TTC29: variants seen among roughly 807,000 people sequenced by gnomAD.
TTC29 encodes the protein tetratricopeptide repeat protein 29.
In TTC29, 49 loss-of-function variants were observed where a neutral mutation model predicts 58.1. The ratio of observed to expected loss-of-function variants is 0.84; its 90% CI spans 0.67 to 1.07. The LOEUF (loss-of-function observed/expected upper bound fraction) is 1.07, where lower values mean the gene tolerates loss of function less well. TTC29 is among the 50% of genes least tolerant of loss of function. The pLI, the probability that TTC29 is intolerant of heterozygous loss-of-function variation, is 0.00. For missense variants in TTC29, 582 were observed against 555.6 expected, an observed-to-expected ratio of 1.05 and a Z score of -0.48; for synonymous variants, 209 against 196.8, an observed-to-expected ratio of 1.06 and a Z score of -0.52.
chr4:146,941,804 GT>G (rs1736426253), intron 2 of TTC29, among the ~76,000 whole-genome samples: 1 of 152,162 alleles, frequency 6.6e-6, no homozygotes, highest in African/African-American at 2.4e-5. Flanking sequence ...TTTCTTTCAG[GT>G]TAGACTGTAG....
At chr4:146,808,395 T>A (rs568101856) in intron 10 of TTC29, among the ~76,000 whole-genome samples, 1 of 152,124 alleles carries the variant, frequency 6.6e-6, no homozygotes, top group East Asian at 1.9e-4. Flanking sequence ...GCCAGGGCAA[T>A]CAGGCAAGAG....
chr4:146,751,148 T>C (rs1251985084), intron 11 of TTC29, among the ~76,000 whole-genome samples: 1 of 152,216 alleles, frequency 6.6e-6, no homozygotes, highest in African/African-American at 2.4e-5. Context: ...AAGGTGTCAA[T>C]TCATCAAGAG....
rs1190630380 is a variant in TTC29 at position 146,903,426 on chromosome 4, T to C, written c.586+118A>G. 1.8e-5 allele frequency: 16 copies of C among 908,166 alleles called. No homozygotes were observed. In the South Asian group the frequency reaches 3.2e-4, roughly 18 times the overall value. 56.3% of individuals were successfully genotyped at this position (908,166 alleles called of 1,614,324 possible). On this transcript the variant is annotated intron_variant, in intron 6 of 12. Coordinates refer to ENST00000325106, the MANE Select transcript of TTC29 (RefSeq NM_031956.4). ...TGGTTTTGCTTTTTGATCTCAATAA[T>C]ATACATGATTATGCTGAAATCTCAG...
intron 2 of TTC29, chr4:146,943,995 C>T (rs1451464434): frequency 5.3e-5 from 8 of 152,214 alleles, no homozygotes; most frequent in African/African-American, 1.9e-4. Flanking sequence ...TTAGGGTTCT[C>T]CCAGATCAAC....
chr4:146,748,891 C>T (rs535113640), intron 11 of TTC29, among the ~76,000 whole-genome samples: 22 of 151,960 alleles, frequency 1.4e-4, no homozygotes, highest in South Asian at 2.1e-4. Flanking sequence ...CTGACCCCCC[C>T]GCAAAATAGA....
At chr4:146,802,037 T>C (rs929796810) in intron 11 of TTC29, among the ~76,000 whole-genome samples, 7 of 137,616 alleles carry the variant, frequency 5.1e-5, no homozygotes, top group African/African-American at 1.8e-4. Flanking sequence ...AAAATCAGGA[T>C]GGCCTCGAAT....
intron 11 of TTC29, among the ~76,000 whole-genome samples, chr4:146,746,353 T>C (rs2150041761): frequency 6.6e-6 from 1 of 152,292 alleles, no homozygotes; most frequent in East Asian, 1.9e-4. Flanking sequence ...CATTAAGAAT[T>C]AGAAATGTTA....
At chr4:146,890,672 G>A (rs1034089529) in intron 6 of TTC29, among the ~76,000 whole-genome samples, 3 of 152,166 alleles carry the variant, frequency 2.0e-5, no homozygotes, top group African/African-American at 7.2e-5. Flanking sequence ...TCTATGATTG[G>A]GCCTAATGCC....
chr4:146,764,821 G>GA (rs1184317246), intron 11 of TTC29, among the ~76,000 whole-genome samples: 1 of 152,032 alleles, frequency 6.6e-6, no homozygotes, highest in Non-Finnish European at 1.5e-5. Flanking sequence ...GTTCAAACAG[G>GA]ATGATCATGT....
At chr4:146,818,670 ACTTGGAAC>A (rs1418796849) in intron 10 of TTC29, among the ~76,000 whole-genome samples, 1 of 152,168 alleles carries the variant, frequency 6.6e-6, no homozygotes, top group Admixed American at 6.5e-5. Context: ...AATAGCAAAG[ACTTGGAAC>A]CAACCCAAAT....
At chr4:146,877,198 G>T (rs1011477294) in intron 6 of TTC29, among the ~76,000 whole-genome samples, 4 of 151,990 alleles carry the variant, frequency 2.6e-5, no homozygotes. Context: ...CATTTAGAAA[G>T]CATTATCAGT....
At chr4:146,929,606 G>A (rs1299540027) in intron 4 of TTC29, among the ~76,000 whole-genome samples, 2 of 152,094 alleles carry the variant, frequency 1.3e-5, no homozygotes, top group East Asian at 1.9e-4. Flanking sequence ...AAAATATGTA[G>A]GCTATTTTTC....
chr4:146,943,559 T>C (rs1328307165), intron 2 of TTC29, among the ~76,000 whole-genome samples: 1 of 152,216 alleles, frequency 6.6e-6, no homozygotes, highest in Non-Finnish European at 1.5e-5. Flanking sequence ...ACCTTACCTA[T>C]GCCCATCGGG....
At chr4:146,754,838 G>A (rs1746313146) in intron 11 of TTC29, among the ~76,000 whole-genome samples, 1 of 151,972 alleles carries the variant, frequency 6.6e-6, no homozygotes, top group Non-Finnish European at 1.5e-5. Context: ...CTAAGATCTA[G>A]TATCAGGCAA....
At chr4:146,917,196 T>G (rs1351454958) in intron 4 of TTC29, among the ~76,000 whole-genome samples, 1 of 150,500 alleles carries the variant, frequency 6.6e-6, no homozygotes, top group Non-Finnish European at 1.5e-5. Context: ...ATCAGAAGAA[T>G]TTTTCATTAT....
chr4:146,811,421 T>C (rs1751016319), intron 10 of TTC29, among the ~76,000 whole-genome samples: 1 of 152,176 alleles, frequency 6.6e-6, no homozygotes, highest in Admixed American at 6.6e-5. Flanking sequence ...AGGATTGATC[T>C]ACATTTGTAA....
intron 11 of TTC29, among the ~76,000 whole-genome samples, chr4:146,780,128 T>C (rs966536027): frequency 8.5e-5 from 13 of 152,250 alleles, no homozygotes; most frequent in Admixed American, 8.5e-4. Flanking sequence ...AAACACTACT[T>C]GCTTCCCCCA....
In TTC29 at chr4:146,939,784, TA is replaced by T; in HGVS notation, c.92+19del. On this transcript the variant is annotated intron_variant, in intron 3 of 12. Coordinates refer to ENST00000325106, the MANE Select transcript of TTC29 (RefSeq NM_031956.4). Reference sequence around the variant, plus strand: ...AAAATTCCTTCTGTAGGAAAATAAGTAAAAACCAGGGGCACGTACCTTGGAA... The same window carrying T: ...AAAATTCCTTCTGTAGGAAAATAAGTAAAACCAGGGGCACGTACCTTGGAA... 6.3e-7 allele frequency: 1 copy of T among 1,590,696 alleles called. No individual in the cohort carries two copies.
rs960182294 is a variant in TTC29, at chr4:146,917,539, G to A, written c.177-8290C>T. Among the ~76,000 whole-genome samples the A allele has an allele frequency of 2.4e-4, 24 of 98,674 alleles. No individual in the cohort carries two copies. In the East Asian group the frequency reaches 5.5e-3, roughly 23 times the overall value. 64.7% of individuals were successfully genotyped at this position (98,674 alleles called of 152,430 possible). On this transcript the variant is annotated intron_variant, in intron 4 of 12. Transcript: ENST00000325106. ...ACCATTATATATTTTATATATTGCT[G>A]TAAAATTTATATAATTTATATGTAA...
Sources: gnomAD v4.1 joint callset for allele counts (sites outside exome capture counted in the v4.1 genomes callset) on GRCh38, gnomAD v4.1.1 for gene constraint, MANE v1.5 for transcripts, NCBI Gene and HGNC (gene_info 2026-07-23, HGNC 2026-07-21) for gene names.